The following TACC2 variants were observed in gnomAD, a reference collection of about 807,000 sequenced individuals.
TACC2 encodes the protein transforming acidic coiled-coil containing protein 2, also known as transforming acidic coiled-coil-containing protein 2.
Under a neutral mutation model 227.3 loss-of-function variants are expected in TACC2, and 137 were observed. The ratio of observed to expected loss-of-function variants is 0.60; its 90% CI spans 0.52 to 0.69. The LOEUF (loss-of-function observed/expected upper bound fraction) is 0.69, where lower values mean the gene tolerates loss of function less well. TACC2 is among the 30% of genes least tolerant of loss of function. TACC2 has a pLI of 0.00. For missense variants in TACC2, 3,470 were observed against 3,694.4 expected (o/e 0.94, Z 1.57); for synonymous variants, 1,523 against 1,487.5 (o/e 1.02, Z -0.55).
chr10:122,027,208 G>C (rs1005728158), intron 2 of TACC2, among the ~76,000 whole-genome samples: 4 of 152,156 alleles, frequency 2.6e-5, no homozygotes, highest in Non-Finnish European at 4.4e-5. Flanking sequence ...TGTTGACATA[G>C]GATGTGGAAC....
At chr10:122,062,460 C>G (rs34832465) in intron 3 of TACC2, among the ~76,000 whole-genome samples, 1 of 143,816 alleles carries the variant, frequency 7.0e-6, no homozygotes, top group East Asian at 2.0e-4. Context: ...TGCGCCACCA[C>G]GTCCGGCTAA....
At position 122,080,976 on chromosome 10, in the gene TACC2, A is replaced by G. The variant is rs532475884; in HGVS notation, c.147-1671A>G. Among the ~76,000 whole-genome samples, 16 of 152,304 alleles carry G rather than the reference A, an allele frequency of 1.1e-4. 2 individuals carry two copies. The East Asian group carries it at 1.9e-3, about 18-fold the overall frequency. On this transcript the variant is annotated intron_variant, in intron 3 of 22. Transcript: ENST00000369005. ...AGAAAATGGTAAAAGCTTTAGAAAA[A>G]CCATACTTATGTTAACTTTGTCTTG...
intron 8 of TACC2, among the ~76,000 whole-genome samples, chr10:122,207,150 T>G (rs183714568): frequency 1.3e-5 from 2 of 151,618 alleles, no homozygotes; most frequent in Admixed American, 1.3e-4. Flanking sequence ...AATAGAAAAA[T>G]TAGCCAGGCG....
chr10:121,999,705 C>T (rs533736817), intron 1 of TACC2, among the ~76,000 whole-genome samples: 126 of 152,310 alleles, frequency 8.3e-4, no homozygotes, highest in African/African-American at 2.8e-3. Context: ...GTTGACATGT[C>T]TTGGTCCAAC....
At position 122,144,989 on chromosome 10, in the gene TACC2, A is replaced by G. The variant is rs192909979; in HGVS notation, c.5834+1283A>G. On this transcript the variant is annotated intron_variant, in intron 7 of 22. Coordinates refer to ENST00000369005, the MANE Select transcript of TACC2 (RefSeq NM_206862.4). ...TCTGCTGGTGAGATAGCACAAGCAG[A>G]GGTTGGGGAGCAGGAACATCCCCAG... Among the ~76,000 whole-genome samples the G allele has an allele frequency of 4.5e-3, 678 of 152,306 alleles. 4 individuals are homozygous for G. The highest frequency in any genetic ancestry group is 6.9e-3 in the Non-Finnish European group (470 of 68,018).
Position 122,227,919 on chromosome 10 carries a change from C to G in TACC2, c.7807C>G (p.Gln2603Glu). ...HPVPRGLAPNQESHLQVPEKS... is the reference protein window; with the variant it reads ...HPVPRGLAPNEESHLQVPEKS... Reference sequence around the variant, plus strand: ...TGTCCCACGAGGACTGGCCCCTAACCAAGAGTCACACTTGCAGGTGCCAGA... The same window carrying G: ...TGTCCCACGAGGACTGGCCCCTAACGAAGAGTCACACTTGCAGGTGCCAGA... The change falls in exon 14 of 23, where the codon CAA becomes GAA. Residue 2603 changes from glutamine (Q) to glutamate (E), a missense_variant. Transcript: ENST00000369005. The G allele has an allele frequency of 6.2e-7, 1 of 1,614,246 alleles. No individual in the cohort carries two copies. Among genetic ancestry groups the G allele is most frequent in the African/African-American group, 1.3e-5 (1 of 75,068 alleles).
intron 6 of TACC2, among the ~76,000 whole-genome samples, chr10:122,140,793 C>T (rs1443850753): frequency 1.3e-5 from 2 of 152,222 alleles, no homozygotes; most frequent in Admixed American, 1.3e-4. Flanking sequence ...GCTGCCCCTA[C>T]CTGCTTACTC....
chr10:121,992,981 A>G (rs1482957020), intron 1 of TACC2, among the ~76,000 whole-genome samples: 2 of 151,888 alleles, frequency 1.3e-5, no homozygotes, highest in African/African-American at 2.4e-5. Flanking sequence ...AAGAAAAAAT[A>G]GCTGAATCGA....
chr10:122,016,460 G>A (rs1052350631), intron 1 of TACC2, among the ~76,000 whole-genome samples: 15 of 151,494 alleles, frequency 9.9e-5, no homozygotes, highest in Admixed American at 5.3e-4. Context: ...CCAGCTCCTC[G>A]GGAGGCTGAG....
At position 122,087,937 on chromosome 10, in the gene TACC2, C is replaced by A; in HGVS notation, c.5437C>A (p.Pro1813Thr). 2.7e-6 allele frequency: 4 copies of A among 1,508,162 alleles called. No individual in the cohort carries two copies. The highest frequency in any genetic ancestry group is 3.5e-6 in the Non-Finnish European group (4 of 1,128,522). The allele number at this position is 1,508,162 out of a possible 1,614,324, so 93.4% of individuals were successfully genotyped here. A position where few individuals can be genotyped will look rare whatever the true frequency, so the allele number is the denominator to read the frequency against. ...THDPKLQHLAPEELHTDRESP... is the reference protein window; with the variant it reads ...THDPKLQHLATEELHTDRESP... ...CGACCCGAAGCTGCAACATTTGGCT[C>A]CAGAAGAGCTCCACACTGACAGGTA... The change falls in exon 4 of 23, where the codon CCA (proline) becomes ACA (threonine). Residue 1813 changes from proline (P) to threonine (T), a missense_variant. Pro to Thr is a conservative substitution (Grantham distance 38). Transcript: ENST00000369005.
At chr10:122,152,983 A>G (rs1214707509) in intron 7 of TACC2, among the ~76,000 whole-genome samples, 2 of 93,772 alleles carry the variant, frequency 2.1e-5, no homozygotes, top group South Asian at 4.2e-4. Flanking sequence ...TGCTTTTGAT[A>G]TATATTTCTT....
chr10:122,217,437 CTTTTTTTTTT>C (rs35233150), intron 11 of TACC2, among the ~76,000 whole-genome samples: 24 of 93,258 alleles, frequency 2.6e-4, no homozygotes, highest in Admixed American at 4.4e-4. Flanking sequence ...TTTCTTTTTT[CTTTTTTTTTT>C]TTTTTTTTTT....
chr10:122,084,098 C>T lies in TACC2; in HGVS notation c.1598C>T (p.Pro533Leu). 6.2e-7 allele frequency: 1 copy of T among 1,614,120 alleles called. No homozygotes were observed. The highest frequency in any genetic ancestry group is 1.1e-5 in the South Asian group (1 of 91,074). Residue 533 changes from proline to leucine, a missense_variant, in exon 4 of 23, where the codon CCT becomes CTT. By Grantham distance (98) the Pro-to-Leu change is moderately conservative (BLOSUM62 -3). Transcript: ENST00000369005. ...GAGGTCCAACCAGGAGCACCACCCC[C>T]TCCTCTTCCCAAGGCACCAAGTGAA... is the stretch of plus-strand genomic sequence containing the variant. ...SHEVQPGAPP[P>L]PLPKAPSESA...
intron 7 of TACC2, among the ~76,000 whole-genome samples, chr10:122,160,927 A>T (rs1265407618): frequency 6.6e-6 from 1 of 152,104 alleles, no homozygotes; most frequent in Non-Finnish European, 1.5e-5. Context: ...TGGTGCCCAC[A>T]TTCTATTTGT....
intron 1 of TACC2, among the ~76,000 whole-genome samples, chr10:121,990,074 G>T (rs1174458888): frequency 2.6e-5 from 4 of 150,984 alleles, no homozygotes; most frequent in African/African-American, 9.7e-5. Flanking sequence ...CTTTAATTCT[G>T]TTTTTTGAGA....
rs529273332 is a variant in TACC2, at chr10:122,002,548, C to T, written c.-46+13060C>T. ...ATGCTTTGGAATAATTTGTAGAGCA[C>T]GCTGGGACTATCTGACCTTTAAAGA... On this transcript the variant is annotated intron_variant, in intron 1 of 22. Coordinates refer to ENST00000369005, the MANE Select transcript of TACC2 (RefSeq NM_206862.4). Among the ~76,000 whole-genome samples the T allele has an allele frequency of 7.2e-5, 11 of 152,202 alleles. 1 individual carries two copies. In the South Asian group the frequency reaches 1.2e-3, roughly 17 times the overall value.
chr10:122,212,464 C>T (rs1186155101), intron 9 of TACC2, among the ~76,000 whole-genome samples: 4 of 152,192 alleles, frequency 2.6e-5, no homozygotes, highest in African/African-American at 9.6e-5. Flanking sequence ...CAGAATCCAC[C>T]CCAGGACCCG....
rs371118062 is a variant in TACC2, at chr10:122,084,561, C to T, written c.2061C>T (p.Ile687=). 6.2e-7 allele frequency: 1 copy of T among 1,613,656 alleles called. No individual in the cohort carries two copies. Among genetic ancestry groups the T allele is most frequent in the Non-Finnish European group, 8.5e-7 (1 of 1,180,016 alleles). Residue 687 remains isoleucine, a synonymous_variant, in exon 4 of 23, where the codon ATC becomes ATT. Coordinates refer to ENST00000369005, the MANE Select transcript of TACC2 (RefSeq NM_206862.4). ...AGCCCACTGTTCCCGAAGGAGCCAT[C>T]TGGGAGGGGTCAGGATTGCAGCCCA... is the stretch of plus-strand genomic sequence containing the variant. The part of the protein sequence containing the change: ...AGEPTVPEGA[I]WEGSGLQPKC...
chr10:122,181,847 A>G (rs142188728), intron 7 of TACC2, among the ~76,000 whole-genome samples: 1 of 152,282 alleles, frequency 6.6e-6, no homozygotes, highest in East Asian at 1.9e-4. Flanking sequence ...TATTCCCTAC[A>G]ATTAGTGTGC....
Sources: gnomAD v4.1 joint callset for allele counts (sites outside exome capture counted in the v4.1 genomes callset) on GRCh38, gnomAD v4.1.1 for gene constraint, MANE v1.5 for transcripts, NCBI Gene and HGNC (gene_info 2026-07-23, HGNC 2026-07-21) for gene names.